WWOX: variants seen among roughly 807,000 people sequenced by gnomAD.
WWOX encodes the protein WW domain containing oxidoreductase, also known as WW domain-containing oxidoreductase.
A neutral mutation model predicts 46.2 loss-of-function variants in WWOX; 69 were observed. The observed-to-expected ratio is 1.49, with a 90% CI of 1.23 to 1.82. WWOX has a LOEUF of 1.82. WWOX is among the 40% of genes most tolerant of loss of function. The pLI, the probability that WWOX is intolerant of heterozygous loss-of-function variation, is 0.00. For synonymous variants in WWOX, 359 were observed against 202.6 expected (o/e 1.77, Z -6.56); for missense variants, 919 against 542.6 (o/e 1.69, Z -6.89).
intron 8 of WWOX, among the ~76,000 whole-genome samples, chr16:78,937,687 T>C (rs1433720591): frequency 6.6e-6 from 1 of 151,872 alleles, no homozygotes; most frequent in African/African-American, 2.4e-5. Flanking sequence ...TGTAGTGGCA[T>C]GACCTCGGCT....
At chr16:78,104,533 G>A (rs891255973) in intron 1 of WWOX, among the ~76,000 whole-genome samples, 1 of 152,062 alleles carries the variant, frequency 6.6e-6, no homozygotes, top group Non-Finnish European at 1.5e-5. Context: ...CACCCCATAC[G>A]TGGAAGTGTG....
At chr16:78,690,103 C>T (rs1257228801) in intron 8 of WWOX, among the ~76,000 whole-genome samples, 1 of 152,126 alleles carries the variant, frequency 6.6e-6, no homozygotes. Flanking sequence ...TCAGGTGATC[C>T]ATCCATTTTG....
At chr16:78,661,807 C>T (rs988571431) in intron 8 of WWOX, among the ~76,000 whole-genome samples, 2 of 152,196 alleles carry the variant, frequency 1.3e-5, no homozygotes, top group Non-Finnish European at 2.9e-5. Flanking sequence ...GAGGCCGAGG[C>T]CGGTGTATCG....
chr16:78,509,837 C>A (rs1330562457), intron 8 of WWOX, among the ~76,000 whole-genome samples: 1 of 151,522 alleles, frequency 6.6e-6, no homozygotes, highest in Non-Finnish European at 1.5e-5. Context: ...CTCACAAATT[C>A]AGCACTTTGG....
At chr16:78,667,120 G>T (rs576101920) in intron 8 of WWOX, among the ~76,000 whole-genome samples, 1 of 152,100 alleles carries the variant, frequency 6.6e-6, no homozygotes, top group Admixed American at 6.6e-5. Context: ...GTCTTAAATA[G>T]TACTTTTCAC....
At chr16:78,595,349 T>G (rs2045463055) in intron 8 of WWOX, among the ~76,000 whole-genome samples, 1 of 152,126 alleles carries the variant, frequency 6.6e-6, no homozygotes, top group East Asian at 1.9e-4. Flanking sequence ...CTTGCTCACA[T>G]GTGAGTCTTC....
intron 4 of WWOX, among the ~76,000 whole-genome samples, chr16:78,120,982 G>GC (rs796115955): frequency 2.7e-5 from 4 of 146,194 alleles, no homozygotes; most frequent in African/African-American, 1.0e-4. Flanking sequence ...GTCATTGATG[G>GC]TTTTTTTTTT....
At chr16:78,125,405 T>C (rs140612471) in intron 4 of WWOX, among the ~76,000 whole-genome samples, 1 of 152,274 alleles carries the variant, frequency 6.6e-6, no homozygotes, top group Non-Finnish European at 1.5e-5. Context: ...ATGAGCTCTT[T>C]CTAAGCAGCT....
intron 5 of WWOX, among the ~76,000 whole-genome samples, chr16:78,318,144 C>A (rs895634350): frequency 6.6e-6 from 1 of 152,116 alleles, no homozygotes; most frequent in African/African-American, 2.4e-5. Flanking sequence ...CTGCGTCCCT[C>A]AAATTCAGAG....
intron 8 of WWOX, chr16:79,089,931 A>G (rs2048923609): frequency 1.3e-5 from 2 of 148,908 alleles, no homozygotes; most frequent in South Asian, 4.5e-4. Flanking sequence ...AACTGCGAAA[A>G]CCCAAGAGAA....
intron 8 of WWOX, among the ~76,000 whole-genome samples, chr16:78,490,884 C>G (rs377213452): frequency 5.3e-5 from 8 of 152,184 alleles, no homozygotes; most frequent in African/African-American, 1.7e-4. Context: ...AAACAGGACT[C>G]ATTAGCAGGA....
Position 78,269,914 on chromosome 16 carries a change from G to GTTTTTTTTTTTT in WWOX, c.516+105632_516+105643dup, listed in dbSNP as rs71137883. 2.3e-4 allele frequency among the ~76,000 whole-genome samples: 29 copies of GTTTTTTTTTTTT among 125,658 alleles called. 1 individual carries two copies. The highest frequency in any genetic ancestry group is 1.2e-3 in the South Asian group (4 of 3,412). The allele number at this position is 125,658 out of a possible 152,430, so 82.4% of individuals were successfully genotyped here. A position where few individuals can be genotyped will look rare whatever the true frequency, so the allele number is the denominator to read the frequency against. The stretch of plus-strand genomic sequence containing the variant: ...AGGAAACATATCTATACATAAGGAA[G>GTTTTTTTTTTTT]TTTTTTTTTTTTTTTTTTACTTTCA... On this transcript the variant is annotated intron_variant, in intron 5 of 8. Coordinates refer to ENST00000566780, the MANE Select transcript of WWOX (RefSeq NM_016373.4).
chr16:78,411,986 T>C (rs1358303485), intron 6 of WWOX, among the ~76,000 whole-genome samples: 1 of 152,288 alleles, frequency 6.6e-6, no homozygotes, highest in African/African-American at 2.4e-5. Flanking sequence ...ACCGAGTTGG[T>C]CCTCCTTGTC....
chr16:78,893,797 C>G (rs79438330), intron 8 of WWOX, among the ~76,000 whole-genome samples: 4 of 152,080 alleles, frequency 2.6e-5, no homozygotes, highest in African/African-American at 9.7e-5. Flanking sequence ...TCACCTTCAT[C>G]GATCACACTT....
At chr16:78,702,600 A>G (rs913180338) in intron 8 of WWOX, among the ~76,000 whole-genome samples, 1 of 151,636 alleles carries the variant, frequency 6.6e-6, no homozygotes, top group African/African-American at 2.4e-5. Context: ...GGTTGTAGTG[A>G]GCTGAGATTG....
chr16:78,515,075 T>A (rs1597196457), intron 8 of WWOX, among the ~76,000 whole-genome samples: 1 of 151,928 alleles, frequency 6.6e-6, no homozygotes, highest in Non-Finnish European at 1.5e-5. Flanking sequence ...CAAAAAAAAA[T>A]TAGCTGAACC....
chr16:79,150,852 G>T (rs2050265003), intron 8 of WWOX, among the ~76,000 whole-genome samples: 1 of 152,034 alleles, frequency 6.6e-6, no homozygotes, highest in Non-Finnish European at 1.5e-5. Context: ...CATTGCGTAG[G>T]CCACTTGGAG....
At chr16:79,151,933 A>G (rs2150733620) in intron 8 of WWOX, among the ~76,000 whole-genome samples, 1 of 152,344 alleles carries the variant, frequency 6.6e-6, no homozygotes, top group South Asian at 2.1e-4. Flanking sequence ...ACATGTAAAT[A>G]GCCGAGGATA....
intron 8 of WWOX, among the ~76,000 whole-genome samples, chr16:78,507,614 C>T (rs547202760): frequency 3.9e-5 from 6 of 152,254 alleles, no homozygotes; most frequent in East Asian, 1.9e-4. Flanking sequence ...CACATATCAC[C>T]CCCATACTCG....
Sources: allele counts gnomAD v4.1 joint callset (sites outside exome capture counted in the v4.1 genomes callset), GRCh38; gene constraint gnomAD v4.1.1; transcripts MANE v1.5; gene names NCBI Gene and HGNC (gene_info 2026-07-23, HGNC 2026-07-21).